Variants in SLC44A3 observed in about 807,000 individuals in gnomAD.
The protein encoded by SLC44A3 is solute carrier family 44 member 3.
In SLC44A3, 74 loss-of-function variants were observed where a neutral mutation model predicts 75.4. The observed-to-expected ratio is 0.98, with a 90% confidence interval of 0.81 to 1.19. The LOEUF (loss-of-function observed/expected upper bound fraction) is 1.19. Ranked by LOEUF, SLC44A3 falls within the 50% of genes most tolerant of loss-of-function variation. The probability of loss-of-function intolerance (pLI) is 0.00; values close to 1 mark genes in which losing one functional copy is unlikely to be tolerated. For synonymous variants in SLC44A3, 310 were observed against 296.9 expected (o/e 1.04, Z -0.45); for missense variants, 700 against 778.6 (o/e 0.90, Z 1.20).
chr1:94,830,728 C>A (rs748758435), intron 5 of SLC44A3, among the ~76,000 whole-genome samples: 10 of 152,050 alleles, frequency 6.6e-5, no homozygotes, highest in Non-Finnish European at 8.8e-5. Flanking sequence ...GTAGATGTAA[C>A]TACGGATGGA....
At chr1:94,873,369 G>A (rs1283794256) in intron 12 of SLC44A3, among the ~76,000 whole-genome samples, 1 of 152,142 alleles carries the variant, frequency 6.6e-6, no homozygotes, top group Non-Finnish European at 1.5e-5. Flanking sequence ...TATTTGATCA[G>A]AAATGCCAGC....
intron 12 of SLC44A3, among the ~76,000 whole-genome samples, chr1:94,870,136 T>C (rs922059011): frequency 5.3e-5 from 8 of 152,246 alleles, no homozygotes; most frequent in African/African-American, 1.7e-4. Flanking sequence ...GTCTCATAAT[T>C]TCTCATTTAC....
At chr1:94,860,899 C>T (rs911626188) in intron 10 of SLC44A3, among the ~76,000 whole-genome samples, 3 of 152,130 alleles carry the variant, frequency 2.0e-5, no homozygotes, top group African/African-American at 4.8e-5. Context: ...GCGCAGCAGG[C>T]GTGGAAAGCG....
intron 14 of SLC44A3, 145 bp from the exon 15 acceptor site, chr1:94,894,673 A>AT (rs1670580475): frequency 3.1e-6 from 2 of 638,186 alleles, no homozygotes; most frequent in African/African-American, 3.7e-5. Flanking sequence ...GCTACTTTAT[A>AT]TGCCATTTCT....
At chr1:94,882,089 C>A (rs1205371876) in intron 12 of SLC44A3, among the ~76,000 whole-genome samples, 4 of 152,164 alleles carry the variant, frequency 2.6e-5, no homozygotes, top group African/African-American at 9.7e-5. Flanking sequence ...ACTGAGTTGG[C>A]CCAGTATGCC....
rs1395431027 is a variant in SLC44A3, at chr1:94,891,368, T to C, written c.1620+101T>C. ...CTATATTTCTTGAGTACTTACTCTA[T>C]AGTGGGTGCTGTGCTTCATTATCTC... On this transcript the variant is annotated intron_variant, in intron 13 of 14. Coordinates refer to ENST00000271227, the MANE Select transcript of SLC44A3 (RefSeq NM_001114106.3). 10 of 1,217,612 alleles carry C rather than the reference T, an allele frequency of 8.2e-6. No individual in the cohort carries two copies. In the Admixed American group the frequency reaches 1.6e-4, roughly 20 times the overall value. The allele number at this position is 1,217,612 out of a possible 1,614,324, so 75.4% of individuals were successfully genotyped here. A position where few individuals can be genotyped will look rare whatever the true frequency, so the allele number is the denominator to read the frequency against.
Position 94,888,637 on chromosome 1 carries a change from C to CTT in SLC44A3, c.1483-2491_1483-2490dup, listed in dbSNP as rs1352555819. 330 of 953,840 alleles carry CTT rather than the reference C, an allele frequency of 3.5e-4. No individual in the cohort carries two copies. In the African/African-American group the frequency reaches 5.2e-3, roughly 15 times the overall value. 59.1% of individuals were successfully genotyped at this position (953,840 alleles called of 1,614,324 possible). ...CCAAAACCAAAATTTCCTTGTGGAACTTTCTTTTTTTTTTTTGCAGGAAAT... is the reference window on the plus strand; with the variant it reads ...CCAAAACCAAAATTTCCTTGTGGAACTTTTTCTTTTTTTTTTTTGCAGGAAAT... On this transcript the variant is annotated intron_variant, in intron 12 of 14. Transcript: ENST00000271227.
rs1669760025 is a variant in SLC44A3, at chr1:94,887,843, AAAG to A, written c.1483-3286_1483-3284del. On this transcript the variant is annotated intron_variant, in intron 12 of 14. Coordinates refer to ENST00000271227, the MANE Select transcript of SLC44A3 (RefSeq NM_001114106.3). Reference sequence around the variant, plus strand: ...TGCTGGGGGCTGGCAGGTGGTCTAAAAAGCCCTTTCCTGGATCCCTGTGGGTGT... The same window carrying A: ...TGCTGGGGGCTGGCAGGTGGTCTAAACCCTTTCCTGGATCCCTGTGGGTGT... Among the ~76,000 whole-genome samples the A allele has an allele frequency of 2.6e-5, 4 of 152,230 alleles. No homozygotes were observed. The East Asian group carries it at 7.8e-4, about 30-fold the overall frequency.
chr1:94,854,400 C>T (rs1429436972), intron 9 of SLC44A3, among the ~76,000 whole-genome samples: 1 of 152,232 alleles, frequency 6.6e-6, no homozygotes, highest in Admixed American at 6.5e-5. Flanking sequence ...CAATTCAGTG[C>T]TCTTCCCACC....
intron 10 of SLC44A3, 71 bp downstream of exon 10, chr1:94,857,571 A>G (rs1557849903): frequency 7.1e-7 from 1 of 1,412,406 alleles, no homozygotes; most frequent in Non-Finnish European, 9.5e-7. Flanking sequence ...TAATATCTCA[A>G]AAGATATTTG....
chr1:94,820,874 G>A (rs1479237755), intron 1 of SLC44A3, 75 bp from the exon 2 acceptor site: 1 of 1,392,718 alleles, frequency 7.2e-7, no homozygotes, highest in Non-Finnish European at 9.7e-7. Flanking sequence ...CCCTCTTCGA[G>A]TAGATTTGGG....
intron 9 of SLC44A3, among the ~76,000 whole-genome samples, chr1:94,849,034 GAACTGCCAGCCTGTGCCCCTT>G (rs528457199): frequency 0.025 from 3,842 of 152,176 alleles, 191 homozygotes; most frequent in African/African-American, 0.088. Context: ...ACTTGGGCAT[GAACTGCCAGCCTGTGCCCCTT>G]AACTGCCAGC....
intron 5 of SLC44A3, among the ~76,000 whole-genome samples, chr1:94,834,108 T>A (rs1662475993): frequency 6.6e-6 from 1 of 152,238 alleles, no homozygotes. Context: ...GGTTAGCAAT[T>A]CTGAAATTAC....
chr1:94,831,185 C>T lies in SLC44A3; in HGVS notation c.509+2599C>T, dbSNP rs142876849. On this transcript the variant is annotated intron_variant, in intron 5 of 14. Coordinates refer to ENST00000271227, the MANE Select transcript of SLC44A3 (RefSeq NM_001114106.3). ...TCTCACTCTCAAGCCAGCCCTAGTC[C>T]TTTTCACCCTAAATGCAAATGTTTC... Among the ~76,000 whole-genome samples, 197 of 152,292 alleles carry T rather than the reference C, an allele frequency of 1.3e-3. 1 individual carries two copies. The highest frequency in any genetic ancestry group is 4.5e-3 in the African/African-American group (187 of 41,554).
intron 5 of SLC44A3, among the ~76,000 whole-genome samples, chr1:94,832,124 C>T (rs544388758): frequency 3.9e-5 from 6 of 152,080 alleles, no homozygotes; most frequent in South Asian, 2.1e-4. Flanking sequence ...GCCAAGACCA[C>T]GCCATTGCAC....
intron 5 of SLC44A3, among the ~76,000 whole-genome samples, chr1:94,837,446 TA>T (rs1241889158): frequency 6.6e-6 from 1 of 152,216 alleles, no homozygotes; most frequent in Non-Finnish European, 1.5e-5. Context: ...GTGCAATTTT[TA>T]TTTTTAAAAA....
Position 94,859,410 on chromosome 1 carries a change from G to A in SLC44A3, c.1238+1910G>A, listed in dbSNP as rs1666303641. 4.7e-5 allele frequency among the ~76,000 whole-genome samples: 6 copies of A among 127,116 alleles called. No homozygotes were observed. The South Asian group carries it at 1.3e-3, about 27-fold the overall frequency. 83.4% of individuals were successfully genotyped at this position (127,116 alleles called of 152,430 possible). ...ATAAGAAACACCAACCAAATGGTGA[G>A]AGCCAAAGAGAGGGAGGTGGAGCAG... is the stretch of plus-strand genomic sequence containing the variant. On this transcript the variant is annotated intron_variant, in intron 10 of 14. Coordinates refer to ENST00000271227, the MANE Select transcript of SLC44A3 (RefSeq NM_001114106.3).
chr1:94,822,973 A>G lies in SLC44A3; in HGVS notation c.136-1520A>G, dbSNP rs1346001401. On this transcript the variant is annotated intron_variant, in intron 2 of 14. Transcript: ENST00000271227. ...CCAGGAGTTCAAGACCAGCCTGGGC[A>G]ATAAAGCAAGACCCTGTGTCTACAA... Among the ~76,000 whole-genome samples, 6 of 152,360 alleles carry G rather than the reference A, an allele frequency of 3.9e-5. No homozygotes were observed. In the South Asian group the frequency reaches 6.2e-4, roughly 16 times the overall value.
chr1:94,827,683 G>A (rs1346675859), intron 4 of SLC44A3, 40 bp downstream of exon 4: 2 of 1,609,438 alleles, frequency 1.2e-6, no homozygotes, highest in Admixed American at 1.7e-5. Context: ...CCCCATGATG[G>A]GGTAAGCTGT....
Sources: gnomAD v4.1 joint callset for allele counts (sites outside exome capture counted in the v4.1 genomes callset) on GRCh38, gnomAD v4.1.1 for gene constraint, MANE v1.5 for transcripts, NCBI Gene and HGNC (gene_info 2026-07-23, HGNC 2026-07-21) for gene names.